The following ABCG1 variants were observed in gnomAD, a reference collection of about 807,000 sequenced individuals.
ABCG1 encodes ATP binding cassette subfamily G member 1, also known as ATP-binding cassette sub-family G member 1.
ABCG1 carries 29 observed loss-of-function variants against 69.2 expected under a neutral mutation model. The ratio of observed to expected loss-of-function variants is 0.42; its 90% CI spans 0.31 to 0.57. ABCG1 has a LOEUF of 0.57. ABCG1 is among the 20% of genes least tolerant of loss of function. The probability of loss-of-function intolerance (pLI) is 0.15; values close to 1 mark genes in which losing one functional copy is unlikely to be tolerated. For missense variants in ABCG1, 718 were observed against 898.1 expected (o/e 0.80, Z 2.56); for synonymous variants, 370 against 374.8 (o/e 0.99, Z 0.15).
At chr21:42,248,262 T>C (rs1270579872) in intron 2 of ABCG1, among the ~76,000 whole-genome samples, 1 of 152,206 alleles carries the variant, frequency 6.6e-6, no homozygotes, top group East Asian at 1.9e-4. Context: ...TAGTAGTTGC[T>C]GAGGGGCCTC....
At chr21:42,289,379 A>G (rs935979708) in intron 10 of ABCG1, among the ~76,000 whole-genome samples, 2 of 152,220 alleles carry the variant, frequency 1.3e-5, no homozygotes, top group Admixed American at 6.5e-5. Context: ...GGAAGTGGCA[A>G]ATCATCACTT....
chr21:42,219,139 C>A (rs1373762248), upstream of ABCG1: 1 of 927,740 alleles, frequency 1.1e-6, no homozygotes, highest in Non-Finnish European at 1.4e-6. The surrounding 1 kb of genome is among the most constrained non-coding windows in gnomAD (Gnocchi z 5.3). Flanking sequence ...GGATCCCAGC[C>A]GGAGCCCAAG....
chr21:42,257,072 A>G (rs1237376717), intron 2 of ABCG1, among the ~76,000 whole-genome samples: 1 of 152,268 alleles, frequency 6.6e-6, no homozygotes, highest in Admixed American at 6.5e-5. Flanking sequence ...TGGTCTTCAC[A>G]GACACCCTTA....
chr21:42,224,425 G>A (rs958802290), intron 1 of ABCG1, among the ~76,000 whole-genome samples: 1 of 152,144 alleles, frequency 6.6e-6, no homozygotes, highest in East Asian at 1.9e-4. Context: ...TAAGGAAGGC[G>A]GATCCCTTGT....
chr21:42,233,519 T>C (rs1277269459), intron 2 of ABCG1, among the ~76,000 whole-genome samples: 1 of 152,240 alleles, frequency 6.6e-6, no homozygotes, highest in Non-Finnish European at 1.5e-5. Context: ...CAATCTGTAT[T>C]TGAGCAATGT....
chr21:42,257,120 G>A (rs1362742191), intron 2 of ABCG1, among the ~76,000 whole-genome samples: 1 of 152,192 alleles, frequency 6.6e-6, no homozygotes, highest in East Asian at 1.9e-4. Context: ...ACCAGATGAA[G>A]AAAACAAATT....
intron 1 of ABCG1, chr21:42,201,518 C>A: frequency 7.6e-6 from 9 of 1,179,072 alleles, no homozygotes; most frequent in Non-Finnish European, 1.1e-5. Flanking sequence ...ACAGGGTGAG[C>A]TACCCTGAGT....
chr21:42,283,789 G>A lies in ABCG1; in HGVS notation c.735-771G>A, dbSNP rs865981664. ...CAGTTGTGAAGTACCCCCCAACCCA[G>A]ATGAGTGGGGACCCCCCCACCTCTG... On this transcript the variant is annotated intron_variant, in intron 6 of 14. Coordinates refer to ENST00000398449, the MANE Select transcript of ABCG1 (RefSeq NM_016818.3). Among the ~76,000 whole-genome samples the A allele has an allele frequency of 1.0e-3, 63 of 62,846 alleles. 1 individual carries two copies. Among genetic ancestry groups the A allele is most frequent in the African/African-American group, 4.9e-3 (57 of 11,752 alleles). 41.2% of individuals were successfully genotyped at this position (62,846 alleles called of 152,430 possible).
At chr21:42,236,682 T>A (rs977942744) in intron 2 of ABCG1, among the ~76,000 whole-genome samples, 1 of 152,120 alleles carries the variant, frequency 6.6e-6, no homozygotes, top group Non-Finnish European at 1.5e-5. Context: ...TAAGCCCATA[T>A]AGAAATTACA....
At chr21:42,277,703 C>T (rs912827715) in intron 5 of ABCG1, among the ~76,000 whole-genome samples, 12 of 152,218 alleles carry the variant, frequency 7.9e-5, no homozygotes. Flanking sequence ...TCCTAACACC[C>T]TTAAAGGCTC....
intron 6 of ABCG1, 122 bp from the exon 7 acceptor site, chr21:42,284,438 G>A: frequency 8.0e-7 from 1 of 1,242,730 alleles, no homozygotes; most frequent in Non-Finnish European, 1.1e-6. Flanking sequence ...GGACGGGGCA[G>A]CTGCAGCTGC....
chr21:42,206,272 C>T (rs1280736442), intron 2 of ABCG1, among the ~76,000 whole-genome samples: 2 of 152,044 alleles, frequency 1.3e-5, no homozygotes, highest in Non-Finnish European at 2.9e-5. Flanking sequence ...ATCACTTGAG[C>T]CCGGGAGGTG....
In ABCG1 at chr21:42,271,203, C is replaced by A; in HGVS notation, c.404+16C>A. ...CTGGATACAGGTGAGCAGCCCTGCC[C>A]AGGGCGCAAAGTTCTCTCCCGGGTG... is the stretch of plus-strand genomic sequence containing the variant. On this transcript the variant is annotated intron_variant, in intron 3 of 14. Transcript: ENST00000398449. 6.7e-7 allele frequency: 1 copy of A among 1,498,138 alleles called. No individual in the cohort carries two copies. The highest frequency in any genetic ancestry group is 8.9e-7 in the Non-Finnish European group (1 of 1,122,228). The allele number at this position is 1,498,138 out of a possible 1,614,324, so 92.8% of individuals were successfully genotyped here. A position where few individuals can be genotyped will look rare whatever the true frequency, so the allele number is the denominator to read the frequency against.
At chr21:42,270,281 A>AAAAAAAAT (rs2068593100) in intron 2 of ABCG1, among the ~76,000 whole-genome samples, 6 of 146,730 alleles carry the variant, frequency 4.1e-5, no homozygotes, top group African/African-American at 1.5e-4. Context: ...AAAAAAAAAA[A>AAAAAAAAT]GTGCCCCTGG....
At chr21:42,228,235 A>G (rs961819512) in intron 2 of ABCG1, among the ~76,000 whole-genome samples, 4 of 152,124 alleles carry the variant, frequency 2.6e-5, no homozygotes, top group Non-Finnish European at 5.9e-5. Context: ...CAGGCAGGGG[A>G]AGAGCCTGCA....
intron 6 of ABCG1, 82 bp from the exon 7 acceptor site, chr21:42,284,478 G>A: frequency 1.3e-6 from 2 of 1,537,352 alleles, no homozygotes; most frequent in South Asian, 1.2e-5. Context: ...TCTGGGACAG[G>A]AACTCCCTGG....
At chr21:42,256,644 G>T in intron 2 of ABCG1, 1 of 1,475,954 alleles carries the variant, frequency 6.8e-7, no homozygotes, top group Non-Finnish European at 9.1e-7. Context: ...TGGGGACAGG[G>T]TTCCCACCAG....
Position 42,228,713 on chromosome 21 carries a change from G to A in ABCG1, c.286+2799G>A, listed in dbSNP as rs533399542. Among the ~76,000 whole-genome samples, 319 of 152,290 alleles carry A rather than the reference G, an allele frequency of 2.1e-3. 1 individual carries two copies. The highest frequency in any genetic ancestry group is 3.5e-3 in the Non-Finnish European group (238 of 68,014). On this transcript the variant is annotated intron_variant, in intron 2 of 14. Coordinates refer to ENST00000398449, the MANE Select transcript of ABCG1 (RefSeq NM_016818.3). ...CAGCAGGGAAGCAGAGCTCTTCCTG[G>A]AGGCTCTGGTGCCCACAGGATTTCC...
chr21:42,287,991 G>A lies in ABCG1; in HGVS notation c.1076G>A (p.Gly359Asp), dbSNP rs759038061. The A allele has an allele frequency of 5.6e-6, 9 of 1,613,538 alleles. No homozygotes were observed. The highest frequency in any genetic ancestry group is 7.6e-6 in the Non-Finnish European group (9 of 1,179,650). ...TCAGACCACAAGAGAGACCTCGGGG[G>A]TGATGCCGAGGTGAACCCTTTTCTT... ...CDSDHKRDLG[G>D]DAEVNPFLWH... The change falls in exon 9 of 15, where the codon GGT becomes GAT. Residue 359 changes from glycine to aspartate, a missense_variant. This residue lies in a region of ABCG1 where 514 missense variants were observed against 574.3 expected (regional missense o/e 0.90). Coordinates refer to ENST00000398449, the MANE Select transcript of ABCG1 (RefSeq NM_016818.3). This position sits in a 1 kb window ranked among gnomAD's most constrained non-coding sequence, Gnocchi z 6.2.
Sources: gnomAD v4.1 joint callset for allele counts (sites outside exome capture counted in the v4.1 genomes callset) on GRCh38, gnomAD v4.1.1 for gene constraint, gnomAD v4.1.1 regional missense constraint, Gnocchi (gnomAD v3.1) non-coding constraint, MANE v1.5 for transcripts, NCBI Gene and HGNC (gene_info 2026-07-23, HGNC 2026-07-21) for gene names.